SUPT3H: variants seen among roughly 807,000 people sequenced by gnomAD.
The protein encoded by SUPT3H is transcription initiation protein SPT3 homolog.
In SUPT3H, 44 loss-of-function variants were observed where a neutral mutation model predicts 44.3. That is an observed-to-expected ratio of 0.99 (90% CI 0.78 to 1.28). SUPT3H has a LOEUF of 1.28. SUPT3H is among the 50% of genes most tolerant of loss of function. The pLI is 0.00. For missense variants in SUPT3H, 380 were observed against 387.1 expected, an observed-to-expected ratio of 0.98 and a Z score of 0.15; for synonymous variants, 124 against 125.6, an observed-to-expected ratio of 0.99 and a Z score of 0.09.
intron 2 of SUPT3H, among the ~76,000 whole-genome samples, chr6:45,311,507 T>C (rs955400550): frequency 6.6e-6 from 1 of 152,150 alleles, no homozygotes; most frequent in Non-Finnish European, 1.5e-5. Flanking sequence ...CTAGGCACAC[T>C]GTCGTCAGGT....
chr6:45,027,074 C>T (rs1224488825), intron 3 of SUPT3H, among the ~76,000 whole-genome samples: 2 of 147,220 alleles, frequency 1.4e-5, no homozygotes, highest in African/African-American at 5.0e-5. Flanking sequence ...ACTGCAGCCT[C>T]AACCTCCTAG....
At chr6:45,237,389 T>G (rs1769375662) in intron 2 of SUPT3H, among the ~76,000 whole-genome samples, 1 of 152,188 alleles carries the variant, frequency 6.6e-6, no homozygotes, top group Non-Finnish European at 1.5e-5. Context: ...CCTGGGAATA[T>G]TCAACCAATT....
chr6:45,252,385 T>C (rs1690508035), intron 2 of SUPT3H, among the ~76,000 whole-genome samples: 1 of 152,216 alleles, frequency 6.6e-6, no homozygotes, highest in Non-Finnish European at 1.5e-5. Flanking sequence ...GTGAAACCAA[T>C]ATTATTTCTA....
chr6:45,105,874 A>G (rs773091505), intron 3 of SUPT3H, 48 bp downstream of exon 3: 174 of 1,436,372 alleles, frequency 1.2e-4, no homozygotes, highest in Admixed American at 4.3e-4. Flanking sequence ...CCATCCTAAT[A>G]AAAGAATGCA....
chr6:45,093,617 A>T (rs1797419619), intron 3 of SUPT3H, among the ~76,000 whole-genome samples: 2 of 152,146 alleles, frequency 1.3e-5, no homozygotes, highest in South Asian at 4.1e-4. Context: ...CTGCCAAATT[A>T]AAAAGCACAA....
intron 2 of SUPT3H, among the ~76,000 whole-genome samples, chr6:45,224,319 C>A (rs1766545163): frequency 6.6e-6 from 1 of 152,090 alleles, no homozygotes; most frequent in Non-Finnish European, 1.5e-5. Flanking sequence ...ATCTACAGTA[C>A]TTCATGGTTT....
At chr6:45,134,097 T>C (rs1299237540) in intron 2 of SUPT3H, among the ~76,000 whole-genome samples, 2 of 152,194 alleles carry the variant, frequency 1.3e-5, no homozygotes, top group Non-Finnish European at 2.9e-5. Flanking sequence ...GATTTATTTC[T>C]TATGGTTTTG....
At chr6:45,080,294 T>C (rs1468419922) in intron 3 of SUPT3H, among the ~76,000 whole-genome samples, 1 of 152,064 alleles carries the variant, frequency 6.6e-6, no homozygotes, top group Non-Finnish European at 1.5e-5. Flanking sequence ...CAATAACAAA[T>C]ATTGGTGAGA....
intron 2 of SUPT3H, among the ~76,000 whole-genome samples, chr6:45,279,868 G>T (rs901942163): frequency 6.6e-6 from 1 of 152,016 alleles, no homozygotes; most frequent in South Asian, 2.1e-4. Flanking sequence ...ATTTCAACTT[G>T]GTTATCTAAC....
At chr6:45,301,655 T>A (rs949038857) in intron 2 of SUPT3H, among the ~76,000 whole-genome samples, 1 of 152,150 alleles carries the variant, frequency 6.6e-6, no homozygotes, top group East Asian at 1.9e-4. Context: ...TTCATATGTA[T>A]CATGTGTGCA....
chr6:45,147,011 A>G (rs1291913008), intron 2 of SUPT3H, among the ~76,000 whole-genome samples: 1 of 152,154 alleles, frequency 6.6e-6, no homozygotes, highest in Non-Finnish European at 1.5e-5. Flanking sequence ...TGCCACCTAA[A>G]ATTCTAGACA....
At chr6:44,931,535 A>G (rs1037808337) in intron 10 of SUPT3H, among the ~76,000 whole-genome samples, 1 of 152,184 alleles carries the variant, frequency 6.6e-6, no homozygotes, top group African/African-American at 2.4e-5. Context: ...CTTTTCAATT[A>G]TAAGACTTCA....
intron 10 of SUPT3H, among the ~76,000 whole-genome samples, chr6:44,870,698 G>T (rs541023660): frequency 6.6e-6 from 1 of 151,522 alleles, no homozygotes; most frequent in Non-Finnish European, 1.5e-5. Context: ...CATGAGCGAC[G>T]CAGAAGACGG....
intron 6 of SUPT3H, among the ~76,000 whole-genome samples, chr6:44,987,355 ATC>A (rs1042823729): frequency 6.6e-6 from 1 of 151,998 alleles, no homozygotes; most frequent in African/African-American, 2.4e-5. Flanking sequence ...GTCAGAGAAA[ATC>A]TCTCTGAAAA....
intron 10 of SUPT3H, among the ~76,000 whole-genome samples, chr6:44,861,267 G>T (rs1774612049): frequency 6.6e-6 from 1 of 151,954 alleles, no homozygotes; most frequent in South Asian, 2.1e-4. Context: ...GTAGAGATGG[G>T]GTCTTCCTAT....
At chr6:45,192,473 C>T (rs1291033996) in intron 2 of SUPT3H, among the ~76,000 whole-genome samples, 2 of 152,076 alleles carry the variant, frequency 1.3e-5, no homozygotes, top group Non-Finnish European at 2.9e-5. Flanking sequence ...TAATTTATTT[C>T]AGCTTTAATT....
chr6:44,938,234 C>T (rs1771817050), intron 9 of SUPT3H, among the ~76,000 whole-genome samples: 1 of 151,752 alleles, frequency 6.6e-6, no homozygotes, highest in South Asian at 2.1e-4. Flanking sequence ...TTTATTCCAT[C>T]TTGAGTTGAT....
chr6:45,298,410 C>T (rs139434889), intron 2 of SUPT3H, among the ~76,000 whole-genome samples: 2,740 of 152,194 alleles, frequency 0.018, 37 homozygotes, highest in Non-Finnish European at 0.027. Flanking sequence ...TCCTAGATAT[C>T]TGTTCTTTGA....
At chr6:45,345,431 TC>T (rs1329434351) in intron 2 of SUPT3H, among the ~76,000 whole-genome samples, 2 of 152,146 alleles carry the variant, frequency 1.3e-5, no homozygotes, top group African/African-American at 4.8e-5. Context: ...CATTTTTTAA[TC>T]CTTTAGTATT....
Sources: gnomAD v4.1 joint callset for allele counts (sites outside exome capture counted in the v4.1 genomes callset) on GRCh38, gnomAD v4.1.1 for gene constraint, MANE v1.5 for transcripts, NCBI Gene and HGNC (gene_info 2026-07-23, HGNC 2026-07-21) for gene names.